Variants in POLDIP3 observed in about 807,000 individuals in gnomAD.
The protein encoded by POLDIP3 is polymerase delta-interacting protein 3.
In POLDIP3, 14 loss-of-function variants were observed where a neutral mutation model predicts 45.1. The observed-to-expected ratio is 0.31, with a 90% CI of 0.20 to 0.49. The LOEUF (loss-of-function observed/expected upper bound fraction) is 0.49. Among genes scored for constraint, POLDIP3 ranks in the 20% least tolerant of loss-of-function variants. The pLI is 0.99. For missense variants in POLDIP3, 511 were observed against 538.8 expected, an observed-to-expected ratio of 0.95 and a Z score of 0.51; for synonymous variants, 223 against 205.2, an observed-to-expected ratio of 1.09 and a Z score of -0.74.
rs556568961 is a variant in POLDIP3, at chr22:42,596,507, A to AGGCTGCC, written c.634-149_634-143dup. The AGGCTGCC allele has an allele frequency of 1.5e-4, 123 of 834,244 alleles. No individual in the cohort carries two copies. In the African/African-American group the frequency reaches 1.9e-3, roughly 13 times the overall value. The allele number at this position is 834,244 out of a possible 1,614,324, so 51.7% of individuals were successfully genotyped here. A position where few individuals can be genotyped will look rare whatever the true frequency, so the allele number is the denominator to read the frequency against. The stretch of plus-strand genomic sequence containing the variant: ...TTCTATTAGAGGTCTGGAGCCAAAA[A>AGGCTGCC]GGCTGCCGGCTGCCAGTGACATCCC... On this transcript the variant is annotated intron_variant, in intron 4 of 8. Transcript: ENST00000252115.
Position 42,602,832 on chromosome 22 carries a change from C to A in POLDIP3, c.388G>T (p.Ala130Ser), listed in dbSNP as rs201038482. ...KISLKRSSPA[A>S]FINPPIGTVT... ...GTCCCAATGGGTGGGTTTATGAAGGCAGCAGGGGAACTCCTCTTCAAGCTG... is the reference window on the plus strand; with the variant it reads ...GTCCCAATGGGTGGGTTTATGAAGGAAGCAGGGGAACTCCTCTTCAAGCTG... Residue 130 changes from alanine (A) to serine (S), a missense_variant, in exon 2 of 9, where the codon GCC (alanine) becomes TCC (serine). Physicochemically the swap from Ala to Ser is moderately conservative, Grantham distance 99. This residue lies in a region of POLDIP3 where 378 missense variants were observed against 352.3 expected (regional missense o/e 1.07). Transcript: ENST00000252115. The A allele has an allele frequency of 1.6e-5, 25 of 1,612,362 alleles. No individual in the cohort carries two copies. The highest frequency in any genetic ancestry group is 1.9e-5 in the Non-Finnish European group (23 of 1,180,024).
intron 7 of POLDIP3, among the ~76,000 whole-genome samples, chr22:42,588,272 G>A (rs1254299428): frequency 6.6e-6 from 1 of 152,016 alleles, no homozygotes; most frequent in African/African-American, 2.4e-5. Flanking sequence ...TGGCTAACAT[G>A]GTGAAACCCC....
chr22:42,587,417 G>A (rs1258973422), intron 8 of POLDIP3, 89 bp downstream of exon 8: 1 of 1,301,330 alleles, frequency 7.7e-7, no homozygotes, highest in East Asian at 2.3e-5. Flanking sequence ...GGGGGATGAA[G>A]GGGAGCTGTG....
At chr22:42,587,405 T>C (rs771222540) in intron 8 of POLDIP3, 101 bp downstream of exon 8, 89 of 1,207,900 alleles carry the variant, frequency 7.4e-5, no homozygotes, top group Non-Finnish European at 1.1e-4. Context: ...GGAAACGGAA[T>C]GGGGGGATGA....
intron 1 of POLDIP3, 23 bp downstream of exon 1, chr22:42,614,776 C>G: frequency 6.2e-7 from 1 of 1,613,832 alleles, no homozygotes; most frequent in Non-Finnish European, 8.5e-7. Context: ...CCCTAAACCC[C>G]GAAGAAAGGA....
chr22:42,608,969 GAA>G (rs1926949184), intron 1 of POLDIP3, among the ~76,000 whole-genome samples: 1 of 152,236 alleles, frequency 6.6e-6, no homozygotes, highest in African/African-American at 2.4e-5. Flanking sequence ...CTTCCTGCAT[GAA>G]AAGACAGCTA....
intron 5 of POLDIP3, 106 bp downstream of exon 5, chr22:42,596,080 G>C: frequency 8.0e-7 from 1 of 1,256,482 alleles, no homozygotes. Flanking sequence ...GTAGAATGGG[G>C]GTGGCAATGC....
At position 42,595,559 on chromosome 22, in the gene POLDIP3, C is replaced by T. The variant is rs568094746; in HGVS notation, c.869G>A (p.Arg290Gln). The T allele has an allele frequency of 6.2e-6, 10 of 1,613,860 alleles. No individual in the cohort carries two copies. Among genetic ancestry groups the T allele is most frequent in the South Asian group, 1.1e-5 (1 of 91,068 alleles). The stretch of plus-strand genomic sequence containing the variant: ...TACAACAATGTCCTCCTCAGTGACT[C>T]GAGGGTGCAGATTATTCACAGTCAT... ...TKMTVNNLHP[R>Q]VTEEDIVELF... Residue 290 changes from arginine (R) to glutamine (Q), a missense_variant, in exon 6 of 9, where the codon CGA becomes CAA. Coordinates refer to ENST00000252115, the MANE Select transcript of POLDIP3 (RefSeq NM_032311.5).
intron 6 of POLDIP3, among the ~76,000 whole-genome samples, chr22:42,595,068 T>C (rs182154073): frequency 1.2e-3 from 183 of 152,344 alleles, no homozygotes; most frequent in Non-Finnish European, 1.9e-3. Context: ...ATCTGAGAAC[T>C]CGGATCTCAG....
At chr22:42,598,816 G>A (rs957299223) in intron 4 of POLDIP3, among the ~76,000 whole-genome samples, 4 of 152,184 alleles carry the variant, frequency 2.6e-5, no homozygotes, top group African/African-American at 9.7e-5. Flanking sequence ...CAGCCCACTG[G>A]CCTCCCTGTC....
intron 1 of POLDIP3, among the ~76,000 whole-genome samples, chr22:42,606,071 G>A (rs1013957936): frequency 6.6e-5 from 10 of 152,208 alleles, no homozygotes; most frequent in Non-Finnish European, 1.5e-4. Context: ...GAACCCAGGA[G>A]ATGGAGGTTA....
In POLDIP3 at chr22:42,614,381, C is replaced by G. The variant is rs1328787805; in HGVS notation, c.59+418G>C. 2.6e-5 allele frequency among the ~76,000 whole-genome samples: 4 copies of G among 152,246 alleles called. No individual in the cohort carries two copies. The East Asian group carries it at 7.7e-4, about 29-fold the overall frequency. On this transcript the variant is annotated intron_variant, in intron 1 of 8. Transcript: ENST00000252115. The stretch of plus-strand genomic sequence containing the variant: ...CTTCGGCGGTCGGAGCAAGTCACTT[C>G]CCCGCTACTAAACTTCGGTTGTCTC...
At chr22:42,599,597 G>A in intron 4 of POLDIP3, 101 bp downstream of exon 4, 1 of 865,544 alleles carries the variant, frequency 1.2e-6, no homozygotes, top group Non-Finnish European at 1.9e-6. Context: ...AGAAGAGCGA[G>A]ATGTCGTCTC....
chr22:42,587,294 A>G (rs1397124068), intron 8 of POLDIP3, among the ~76,000 whole-genome samples: 2 of 152,224 alleles, frequency 1.3e-5, no homozygotes, highest in Non-Finnish European at 2.9e-5. Flanking sequence ...GAACGAGATC[A>G]TAATGCTAGT....
chr22:42,588,098 A>T (rs1253573615), intron 7 of POLDIP3, among the ~76,000 whole-genome samples: 1 of 152,226 alleles, frequency 6.6e-6, no homozygotes, highest in Non-Finnish European at 1.5e-5. Context: ...TAGTGAATAC[A>T]TCATTAAAGG....
intron 1 of POLDIP3, among the ~76,000 whole-genome samples, chr22:42,610,442 G>C (rs1927051398): frequency 6.6e-6 from 1 of 152,154 alleles, no homozygotes; most frequent in Admixed American, 6.5e-5. Context: ...CCCCAGATGA[G>C]GCGTCTGGCC....
intron 1 of POLDIP3, among the ~76,000 whole-genome samples, chr22:42,606,641 A>T (rs1166115626): frequency 6.6e-6 from 1 of 152,222 alleles, no homozygotes; most frequent in Non-Finnish European, 1.5e-5. Context: ...ATTTTAAAAA[A>T]TTTAAAAGGA....
chr22:42,613,332 T>G (rs1001940679), intron 1 of POLDIP3, among the ~76,000 whole-genome samples: 1 of 152,232 alleles, frequency 6.6e-6, no homozygotes, highest in African/African-American at 2.4e-5. Flanking sequence ...GCCAGGTAAG[T>G]GCTGGCTGCG....
chr22:42,585,208 AC>A lies in POLDIP3; in HGVS notation c.*582del. The A allele has an allele frequency of 2.0e-6, 1 of 510,886 alleles. No homozygotes were observed. Among genetic ancestry groups the A allele is most frequent in the Non-Finnish European group, 3.9e-6 (1 of 256,544 alleles). 31.6% of individuals were successfully genotyped at this position (510,886 alleles called of 1,614,324 possible). A position where few individuals can be genotyped will look rare whatever the true frequency, so the allele number is the denominator to read the frequency against. Reference sequence around the variant, plus strand: ...GGTGCAGCCTCATCCTGCCCTTGCCACTAGTGAGGCCTGGAGCCACTGGGGA... The same window carrying A: ...GGTGCAGCCTCATCCTGCCCTTGCCATAGTGAGGCCTGGAGCCACTGGGGA... On this transcript the variant is annotated 3_prime_UTR_variant, in exon 9 of 9. Coordinates refer to ENST00000252115, the MANE Select transcript of POLDIP3 (RefSeq NM_032311.5).
Sources: gnomAD v4.1 joint callset for allele counts (sites outside exome capture counted in the v4.1 genomes callset) on GRCh38, gnomAD v4.1.1 for gene constraint, gnomAD v4.1.1 regional missense constraint, MANE v1.5 for transcripts, NCBI Gene and HGNC (gene_info 2026-07-23, HGNC 2026-07-21) for gene names.